Variants in CMTR1 observed in about 807,000 individuals in gnomAD.
The protein encoded by CMTR1 is cap methyltransferase 1, also known as cap-specific mRNA (nucleoside-2'-O-)-methyltransferase 1.
Under a neutral mutation model 107.0 loss-of-function variants are expected in CMTR1, and 39 were observed. The ratio of observed to expected loss-of-function variants is 0.36; its 90% CI spans 0.28 to 0.48. The LOEUF is 0.48. Among genes scored for constraint, CMTR1 ranks in the 20% least tolerant of loss-of-function variants. The pLI, the probability that CMTR1 is intolerant of heterozygous loss-of-function variation, is 0.99. For synonymous variants in CMTR1, 366 were observed against 379.5 expected (o/e 0.96, Z 0.41); for missense variants, 672 against 1,064.9 (o/e 0.63, Z 5.14).
chr6:37,437,293 A>G (rs1212516394), intron 2 of CMTR1, among the ~76,000 whole-genome samples: 3 of 151,102 alleles, frequency 2.0e-5, no homozygotes, highest in African/African-American at 7.3e-5. Flanking sequence ...TTGGGAGGCT[A>G]AGGTGGGCGG....
chr6:37,462,146 G>A, intron 12 of CMTR1, 44 bp downstream of exon 12: 2 of 1,609,106 alleles, frequency 1.2e-6, no homozygotes, highest in East Asian at 2.2e-5. Context: ...TTGGCTAAAT[G>A]TCAGAACAGC....
chr6:37,467,562 A>G (rs1221219269), intron 13 of CMTR1, among the ~76,000 whole-genome samples: 3 of 152,212 alleles, frequency 2.0e-5, no homozygotes, highest in Non-Finnish European at 4.4e-5. Context: ...GAGGGTTGTT[A>G]AAGTCTTTAA....
At chr6:37,470,322 A>G (rs1432468800) in intron 13 of CMTR1, among the ~76,000 whole-genome samples, 2 of 151,676 alleles carry the variant, frequency 1.3e-5, no homozygotes, top group African/African-American at 2.4e-5. Flanking sequence ...GATTTTTTGT[A>G]TTTTTAGTAG....
In CMTR1 at chr6:37,479,029, C is replaced by G. The variant is rs1406486908; in HGVS notation, c.2267-118C>G. On this transcript the variant is annotated intron_variant, in intron 22 of 23. Coordinates refer to ENST00000373451, the MANE Select transcript of CMTR1 (RefSeq NM_015050.3). ...AGGCTGCTGCCTCACGGGCTATTCC[C>G]TGCTTGCTTTTGGTGGGAGGCAGGA... 4 of 685,216 alleles carry G rather than the reference C, an allele frequency of 5.8e-6. No individual in the cohort carries two copies. The East Asian group carries it at 1.1e-4, about 18-fold the overall frequency. 42.4% of individuals were successfully genotyped at this position (685,216 alleles called of 1,614,324 possible).
At position 37,462,886 on chromosome 6, in the gene CMTR1, C is replaced by G; in HGVS notation, c.1383C>G (p.Phe461Leu). The G allele has an allele frequency of 6.2e-7, 1 of 1,613,874 alleles. No individual in the cohort carries two copies. Among genetic ancestry groups the G allele is most frequent in the Admixed American group, 1.7e-5 (1 of 60,028 alleles). Reference protein sequence around the residue: ...VGIDDVRDYLFAVNIKLNQLR... With the variant: ...VGIDDVRDYLLAVNIKLNQLR... ...TAGATGATGTTCGGGATTACCTCTT[C>G]GCAGTGAATATTAAACTCAATCAGC... The change falls in exon 13 of 24, where the codon TTC (phenylalanine) becomes TTG (leucine). Residue 461 changes from phenylalanine to leucine, a missense_variant. This residue lies in a region of CMTR1 where 583 missense variants were observed against 968.4 expected (regional missense o/e 0.60). Coordinates refer to ENST00000373451, the MANE Select transcript of CMTR1 (RefSeq NM_015050.3).
chr6:37,429,325 T>C (rs1321701420), upstream of CMTR1, among the ~76,000 whole-genome samples: 1 of 152,252 alleles, frequency 6.6e-6, no homozygotes, highest in Non-Finnish European at 1.5e-5. Context: ...TAGGTTATGG[T>C]TATAATGGCT....
intron 13 of CMTR1, among the ~76,000 whole-genome samples, chr6:37,463,829 C>T (rs1029040564): frequency 1.3e-5 from 2 of 152,146 alleles, no homozygotes; most frequent in Admixed American, 1.3e-4. Flanking sequence ...TATAAGCGCC[C>T]TCATTTTGAT....
At chr6:37,430,875 G>A (rs368349060), upstream of CMTR1, among the ~76,000 whole-genome samples, 3 of 151,938 alleles carry the variant, frequency 2.0e-5, no homozygotes, top group Non-Finnish European at 4.4e-5. Flanking sequence ...TTAGCCGGGC[G>A]TGGTGGCGGG....
chr6:37,452,347 T>TA (rs1398655649), intron 6 of CMTR1, among the ~76,000 whole-genome samples: 10 of 152,192 alleles, frequency 6.6e-5, no homozygotes, highest in African/African-American at 2.4e-4. Flanking sequence ...GGGTGTGAAG[T>TA]ACCTGGGTAA....
At chr6:37,478,610 G>A (rs1424502676) in intron 22 of CMTR1, 89 bp downstream of exon 22, 7 of 1,038,402 alleles carry the variant, frequency 6.7e-6, no homozygotes, top group East Asian at 4.8e-5. Flanking sequence ...GAGCCAGAGC[G>A]AAGGGCTCCC....
At chr6:37,455,435 G>C (rs1761271859) in intron 8 of CMTR1, among the ~76,000 whole-genome samples, 1 of 152,226 alleles carries the variant, frequency 6.6e-6, no homozygotes. Flanking sequence ...AAGGAGAAAG[G>C]GGGCAAGGGG....
intron 23 of CMTR1, 106 bp downstream of exon 23, chr6:37,479,361 C>G: frequency 1.2e-6 from 1 of 816,652 alleles, no homozygotes; most frequent in Non-Finnish European, 2.1e-6. Context: ...AGACTGTTGC[C>G]CATGCAGGGG....
rs140729343 is a variant in CMTR1, at chr6:37,433,826, T to G, written c.-7+449T>G. On this transcript the variant is annotated intron_variant, in intron 1 of 23. Transcript: ENST00000373451. Reference sequence around the variant, plus strand: ...GTGGGTCACTTGAGCAGGGCACTGGTTAGCTGTGTGGCCTTCACCTCTGTG... The same window carrying G: ...GTGGGTCACTTGAGCAGGGCACTGGGTAGCTGTGTGGCCTTCACCTCTGTG... 1.7e-3 allele frequency among the ~76,000 whole-genome samples: 263 copies of G among 152,320 alleles called. 1 individual carries two copies. Among genetic ancestry groups the G allele is most frequent in the African/African-American group, 6.0e-3 (251 of 41,574 alleles).
At chr6:37,439,344 G>A (rs1314932307) in intron 2 of CMTR1, among the ~76,000 whole-genome samples, 1 of 152,198 alleles carries the variant, frequency 6.6e-6, no homozygotes, top group Admixed American at 6.5e-5. Context: ...TTTTTCACGG[G>A]AAAACTATGG....
rs1485367203 is a variant in CMTR1 at position 37,480,092 on chromosome 6, G to A, written c.2455G>A (p.Asp819Asn). The A allele has an allele frequency of 6.3e-7, 1 of 1,595,488 alleles. No homozygotes were observed. Among genetic ancestry groups the A allele is most frequent in the South Asian group, 1.1e-5 (1 of 87,756 alleles). ...TGACTCCCAGAAGCCCCAGGACCAG[G>A]ACAAGCTGTCCAAGGAGGACGTCCT... ...VHDSQKPQDQ[D>N]KLSKEDVLSF... The change falls in exon 24 of 24, where the codon GAC (aspartate) becomes AAC (asparagine). Residue 819 changes from aspartate (D) to asparagine (N), a missense_variant. Asp to Asn is a conservative substitution (Grantham distance 23). Around this residue, in one of 2 missense-constraint regions of CMTR1, gnomAD observed 583 missense variants for 968.4 expected, o/e 0.60. Transcript: ENST00000373451.
At position 37,480,887 on chromosome 6, in the gene CMTR1, G is replaced by A; in HGVS notation, c.*742G>A. ...CCATCCTAGGTGCCATCCCCTTTTG[G>A]TCCAAACATTGGGCAGCGCTAGATG... is the stretch of plus-strand genomic sequence containing the variant. On this transcript the variant is annotated 3_prime_UTR_variant, in exon 24 of 24. Coordinates refer to ENST00000373451, the MANE Select transcript of CMTR1 (RefSeq NM_015050.3). 8.3e-7 allele frequency: 1 copy of A among 1,198,274 alleles called. No individual in the cohort carries two copies. Among genetic ancestry groups the A allele is most frequent in the Non-Finnish European group, 1.1e-6 (1 of 948,328 alleles). The allele number at this position is 1,198,274 out of a possible 1,614,324, so 74.2% of individuals were successfully genotyped here. A position where few individuals can be genotyped will look rare whatever the true frequency, so the allele number is the denominator to read the frequency against.
chr6:37,462,936 A>G lies in CMTR1; in HGVS notation c.1433A>G (p.Asn478Ser), dbSNP rs1761431337. ...NQLRNTDSDV[N>S]LVVPLEVIKG... ...CTGCGGAACACGGATTCCGACGTCA[A>G]CTTGGTGGTCCCCCTGGAGGTGATC... Residue 478 changes from asparagine (N) to serine (S), a missense_variant, in exon 13 of 24, where the codon AAC becomes AGC. By Grantham distance (46) the Asn-to-Ser change is conservative. This residue lies in a region of CMTR1 where 583 missense variants were observed against 968.4 expected (regional missense o/e 0.60). Coordinates refer to ENST00000373451, the MANE Select transcript of CMTR1 (RefSeq NM_015050.3). The G allele has an allele frequency of 3.1e-6, 5 of 1,614,128 alleles. No homozygotes were observed. Among genetic ancestry groups the G allele is most frequent in the African/African-American group, 1.3e-5 (1 of 74,938 alleles).
At chr6:37,447,469 A>G (rs1771821265) in intron 4 of CMTR1, among the ~76,000 whole-genome samples, 1 of 152,182 alleles carries the variant, frequency 6.6e-6, no homozygotes, top group Non-Finnish European at 1.5e-5. Flanking sequence ...TCTCAGAAGT[A>G]CCTGATGGTT....
At chr6:37,444,546 G>A (rs1771742824) in intron 3 of CMTR1, among the ~76,000 whole-genome samples, 1 of 152,136 alleles carries the variant, frequency 6.6e-6, no homozygotes, top group Admixed American at 6.5e-5. Context: ...ACTCCCAGAT[G>A]CCTAAAATAA....
Sources: allele counts gnomAD v4.1 joint callset (sites outside exome capture counted in the v4.1 genomes callset), GRCh38; gene constraint gnomAD v4.1.1; regional missense constraint gnomAD v4.1.1; transcripts MANE v1.5; gene names NCBI Gene and HGNC (gene_info 2026-07-23, HGNC 2026-07-21).